Variants in ARID3A observed in about 807,000 individuals in gnomAD.
The protein encoded by ARID3A is AT-rich interaction domain 3A.
ARID3A carries 11 observed loss-of-function variants against 52.7 expected under a neutral mutation model. The observed-to-expected ratio is 0.21, with a 90% CI of 0.13 to 0.35. The LOEUF is 0.35. ARID3A is among the 10% of genes least tolerant of loss of function. The probability of loss-of-function intolerance (pLI) is 1.00; values close to 1 mark genes in which losing one functional copy is unlikely to be tolerated. For missense variants in ARID3A, 721 were observed against 838.5 expected (o/e 0.86, Z 1.73); for synonymous variants, 404 against 359.4 (o/e 1.12, Z -1.40).
chr19:927,583 G>A (rs890854705), intron 1 of ARID3A, among the ~76,000 whole-genome samples: 2 of 150,776 alleles, frequency 1.3e-5, no homozygotes, highest in African/African-American at 4.9e-5. Flanking sequence ...TTTGCTTGGA[G>A]CTCTTCCGTG....
intron 3 of ARID3A, among the ~76,000 whole-genome samples, chr19:934,325 G>A (rs988716034): frequency 6.6e-6 from 1 of 152,176 alleles, no homozygotes; most frequent in Non-Finnish European, 1.5e-5. Context: ...GCCGATGGGG[G>A]AGTTTTGGGG....
chr19:943,316 C>T (rs575643770), intron 3 of ARID3A, among the ~76,000 whole-genome samples: 1 of 150,986 alleles, frequency 6.6e-6, no homozygotes, highest in Non-Finnish European at 1.5e-5. Flanking sequence ...TGCCTGTAAT[C>T]CCAGCACTTT....
chr19:929,823 C>T lies in ARID3A; in HGVS notation c.295C>T (p.Pro99Ser), dbSNP rs1202844303. Reference protein sequence around the residue: ...EEEDAAREGTPGSPGRGREGP... With the variant: ...EEEDAAREGTSGSPGRGREGP... ...GGAGGACGCGGCCCGGGAGGGGACA[C>T]CGGGCTCACCCGGGCGAGGCAGAGA... Residue 99 changes from proline (P) to serine (S), a missense_variant, in exon 2 of 9, where the codon CCG becomes TCG. Physicochemically the swap from Pro to Ser is moderately conservative, Grantham distance 74. Around this residue, in one of 5 missense-constraint regions of ARID3A, gnomAD observed 349 missense variants for 297.3 expected, o/e 1.17. Transcript: ENST00000263620. This position sits in a 1 kb window ranked among gnomAD's most constrained non-coding sequence, Gnocchi z 6.2. 2.6e-6 allele frequency: 4 copies of T among 1,545,024 alleles called. No homozygotes were observed. The highest frequency in any genetic ancestry group is 3.5e-6 in the Non-Finnish European group (4 of 1,147,488).
In ARID3A at chr19:932,557, A is replaced by G. The variant is rs1044805119; in HGVS notation, c.508A>G (p.Thr170Ala). 3.3e-6 allele frequency: 5 copies of G among 1,510,008 alleles called. No individual in the cohort carries two copies. In the African/African-American group the frequency reaches 7.1e-5, roughly 22 times the overall value. The allele number at this position is 1,510,008 out of a possible 1,614,324, so 93.5% of individuals were successfully genotyped here. The change falls in exon 3 of 9, where the codon ACG becomes GCG. Residue 170 changes from threonine (T) to alanine (A), a missense_variant. Physicochemically the swap from Thr to Ala is moderately conservative, Grantham distance 58. Transcript: ENST00000263620. ...GPPGPASLGTTALFPRKAQPP... is the reference protein window; with the variant it reads ...GPPGPASLGTAALFPRKAQPP... ...CCCAGGCCCTGCCAGCTTGGGCACC[A>G]CGGCACTGTTCCCCCGAAAGGCCCA...
chr19:940,168 A>C (rs1356311550), intron 3 of ARID3A, among the ~76,000 whole-genome samples: 3 of 152,156 alleles, frequency 2.0e-5, no homozygotes, highest in Non-Finnish European at 1.5e-5. Context: ...CTCTGGGATC[A>C]CTGTGACTGG....
chr19:943,019 C>T (rs1286337132), intron 3 of ARID3A, among the ~76,000 whole-genome samples: 7 of 152,134 alleles, frequency 4.6e-5, no homozygotes, highest in Non-Finnish European at 7.4e-5. Context: ...CTGTGATCCC[C>T]GCGCTTTGGA....
Position 944,573 on chromosome 19 carries a change from CG to C in ARID3A, c.693+11833del, listed in dbSNP as rs1285895299. Among the ~76,000 whole-genome samples the C allele has an allele frequency of 6.6e-6, 1 of 152,168 alleles. No individual in the cohort carries two copies. Among genetic ancestry groups the C allele is most frequent in the Non-Finnish European group, 1.5e-5 (1 of 68,030 alleles). ...GTCCCCCACCCAGGACCCCCGACCC[CG>C]GCCCTGGGAGGGCCCGACTGCCAGC... On this transcript the variant is annotated intron_variant, in intron 3 of 8. Transcript: ENST00000263620. The surrounding 1 kb of genome is among the most constrained non-coding windows in gnomAD (Gnocchi z 5.9).
chr19:963,201 C>T (rs116303540), intron 4 of ARID3A, among the ~76,000 whole-genome samples: 1,579 of 152,310 alleles, frequency 0.01, 23 homozygotes, highest in African/African-American at 0.036. Flanking sequence ...GTCCACGTCC[C>T]CATCCCTAAC....
intron 3 of ARID3A, among the ~76,000 whole-genome samples, chr19:957,629 C>G (rs911997482): frequency 2.0e-5 from 3 of 152,018 alleles, no homozygotes; most frequent in African/African-American, 7.3e-5. Context: ...TCGAGGGAGC[C>G]CAGGAGGTCG....
chr19:946,813 T>A (rs12978702), intron 3 of ARID3A, among the ~76,000 whole-genome samples: 26,611 of 151,222 alleles, frequency 0.18, 2,524 homozygotes, highest in East Asian at 0.32. Context: ...TGTGTGTGTG[T>A]GACAGGGTCT....
rs568893246 is a variant in ARID3A at position 941,440 on chromosome 19, G to A, written c.693+8698G>A. ...CCAGCCAGCGGCACCTCACGCGCCC[G>A]CCTGCGTGTCCCCAGCCAGCACCAC... On this transcript the variant is annotated intron_variant, in intron 3 of 8. Transcript: ENST00000263620. The surrounding 1 kb of genome is among the most constrained non-coding windows in gnomAD (Gnocchi z 6.9). Among the ~76,000 whole-genome samples, 2 of 152,292 alleles carry A rather than the reference G, an allele frequency of 1.3e-5. No homozygotes were observed. The highest frequency in any genetic ancestry group is 6.5e-5 in the Admixed American group (1 of 15,304).
chr19:960,025 A>G lies in ARID3A; in HGVS notation c.694-67A>G, dbSNP rs561459946. On this transcript the variant is annotated intron_variant, in intron 3 of 8. Transcript: ENST00000263620. This position sits in a 1 kb window ranked among gnomAD's most constrained non-coding sequence, Gnocchi z 4.3. ...GTCCTCCTGACCTGGCCTCCAGTGC[A>G]GGAGGGACATGGTTCCCACACCTGA... is the stretch of plus-strand genomic sequence containing the variant. 7.0e-7 allele frequency: 1 copy of G among 1,426,108 alleles called. No individual in the cohort carries two copies. The highest frequency in any genetic ancestry group is 9.8e-7 in the Non-Finnish European group (1 of 1,022,258). The allele number at this position is 1,426,108 out of a possible 1,614,324, so 88.3% of individuals were successfully genotyped here.
intron 4 of ARID3A, among the ~76,000 whole-genome samples, chr19:961,596 C>G (rs961816785): frequency 1.3e-5 from 2 of 152,194 alleles, no homozygotes; most frequent in African/African-American, 2.4e-5. Flanking sequence ...GTGCCTGGTA[C>G]AGTGCCTGGT....
chr19:937,539 GGTGT>G (rs976046783), intron 3 of ARID3A, among the ~76,000 whole-genome samples: 1 of 151,846 alleles, frequency 6.6e-6, no homozygotes, highest in African/African-American at 2.4e-5. Flanking sequence ...ATTACTTTTG[GGTGT>G]GTATCTGGGA....
chr19:928,049 C>T (rs570046235), intron 1 of ARID3A, among the ~76,000 whole-genome samples: 36 of 152,154 alleles, frequency 2.4e-4, no homozygotes, highest in African/African-American at 8.4e-4. Flanking sequence ...GGTCGGGTCA[C>T]AGGAGGGATC....
At chr19:927,372 G>A (rs2037223754) in intron 1 of ARID3A, among the ~76,000 whole-genome samples, 1 of 151,976 alleles carries the variant, frequency 6.6e-6, no homozygotes, top group African/African-American at 2.4e-5. Context: ...CGGCGATGGG[G>A]GGGCACCCAG....
intron 2 of ARID3A, among the ~76,000 whole-genome samples, chr19:930,745 A>C (rs141463398): frequency 6.6e-6 from 1 of 150,508 alleles, no homozygotes; most frequent in East Asian, 2.0e-4. Context: ...TCCTGACCTC[A>C]TGATCTGCCT....
chr19:926,282 G>GA (rs1256263053), intron 1 of ARID3A, among the ~76,000 whole-genome samples: 2 of 151,730 alleles, frequency 1.3e-5, no homozygotes, highest in African/African-American at 2.4e-5. Flanking sequence ...CCAAAGAAGG[G>GA]GGTCCCCAAA....
Position 975,572 on chromosome 19 carries a change from C to T in ARID3A, c.*3507C>T, listed in dbSNP as rs2038361638. On this transcript the variant is annotated 3_prime_UTR_variant, in exon 9 of 9. Transcript: ENST00000263620. ...TTTGTCAGACGGCGTGGGAACCACGCCTGAAACTCAGGTAATAGGAGGAAA... is the reference window on the plus strand; with the variant it reads ...TTTGTCAGACGGCGTGGGAACCACGTCTGAAACTCAGGTAATAGGAGGAAA... The T allele has an allele frequency of 4.7e-6, 1 of 212,476 alleles. No individual in the cohort carries two copies. Among genetic ancestry groups the T allele is most frequent in the Non-Finnish European group, 9.5e-6 (1 of 105,402 alleles). 13.2% of individuals were successfully genotyped at this position (212,476 alleles called of 1,614,324 possible).
Sources: gnomAD v4.1 joint callset for allele counts (sites outside exome capture counted in the v4.1 genomes callset) on GRCh38, gnomAD v4.1.1 for gene constraint, gnomAD v4.1.1 regional missense constraint, Gnocchi (gnomAD v3.1) non-coding constraint, MANE v1.5 for transcripts, NCBI Gene and HGNC (gene_info 2026-07-23, HGNC 2026-07-21) for gene names.